Variants in MPPED1 observed in about 807,000 individuals in gnomAD.
MPPED1 encodes metallophosphoesterase domain containing 1.
A neutral mutation model predicts 36.2 loss-of-function variants in MPPED1; 16 were observed. The observed-to-expected ratio is 0.44, with a 90% CI of 0.30 to 0.67. The LOEUF (loss-of-function observed/expected upper bound fraction) is 0.67. Ranked by LOEUF, MPPED1 falls within the 30% of genes least tolerant of loss-of-function variation. The pLI, the probability that MPPED1 is intolerant of heterozygous loss-of-function variation, is 0.10. For missense variants in MPPED1, 307 were observed against 453.4 expected, an observed-to-expected ratio of 0.68 and a Z score of 2.93; for synonymous variants, 199 against 191.3, an observed-to-expected ratio of 1.04 and a Z score of -0.33.
intron 3 of MPPED1, among the ~76,000 whole-genome samples, chr22:43,457,882 A>G (rs772984382): frequency 6.6e-6 from 1 of 152,212 alleles, no homozygotes; most frequent in Non-Finnish European, 1.5e-5. Context: ...TTTTATAACT[A>G]CAGTCATGTG....
Position 43,474,600 on chromosome 22 carries a change from C to G in MPPED1, c.407-136C>G. On this transcript the variant is annotated intron_variant, in intron 3 of 6. Transcript: ENST00000443721. The surrounding 1 kb of genome is among the most constrained non-coding windows in gnomAD (Gnocchi z 5.2). ...TGCCCTATGAGTACAAGATCGTGAT[C>G]GCGGGCAACCACGAGCTGACCTTTG... is the stretch of plus-strand genomic sequence containing the variant. 1.3e-6 allele frequency: 2 copies of G among 1,526,570 alleles called. No individual in the cohort carries two copies. The highest frequency in any genetic ancestry group is 9.0e-7 in the Non-Finnish European group (1 of 1,117,232). The allele number at this position is 1,526,570 out of a possible 1,614,324, so 94.6% of individuals were successfully genotyped here. A position where few individuals can be genotyped will look rare whatever the true frequency, so the allele number is the denominator to read the frequency against.
chr22:43,432,076 G>A (rs1033921050), intron 2 of MPPED1, among the ~76,000 whole-genome samples: 2 of 152,206 alleles, frequency 1.3e-5, no homozygotes, highest in African/African-American at 2.4e-5. Flanking sequence ...CTCCCAGAGG[G>A]TAGACTGTCG....
intron 3 of MPPED1, among the ~76,000 whole-genome samples, chr22:43,440,056 T>A (rs1311755049): frequency 6.6e-6 from 1 of 152,234 alleles, no homozygotes; most frequent in Non-Finnish European, 1.5e-5. Context: ...CAAGGCTTCA[T>A]GTCCAGCGCC....
intron 3 of MPPED1, among the ~76,000 whole-genome samples, chr22:43,473,233 C>T (rs1427200320): frequency 6.6e-6 from 1 of 151,996 alleles, no homozygotes; most frequent in Admixed American, 6.5e-5. Flanking sequence ...TGGGCATTGC[C>T]CCGGGAGGGT....
In MPPED1 at chr22:43,425,208, A is replaced by G. The variant is rs776940824; in HGVS notation, c.223A>G (p.Met75Val). ...CCGCTTCCAGCCACCGCATGTGCAG[A>G]TGTAAGTGGGACCGGTGGGGTGGGG... ...QGRFQPPHVQ[M>V]VDPVPHDAPK... The change falls in exon 2 of 7, where the codon ATG becomes GTG. Residue 75 changes from methionine (M) to valine (V), a missense_variant and splice_region_variant. By Grantham distance (21) the Met-to-Val change is conservative. Coordinates refer to ENST00000443721, the MANE Select transcript of MPPED1 (RefSeq NM_001044370.2). 2.2e-5 allele frequency: 21 copies of G among 947,998 alleles called. No individual in the cohort carries two copies. Among genetic ancestry groups the G allele is most frequent in the East Asian group, 1.9e-4 (4 of 21,488 alleles). 58.7% of individuals were successfully genotyped at this position (947,998 alleles called of 1,614,324 possible).
chr22:43,481,211 TG>T (rs2146893115), intron 4 of MPPED1, among the ~76,000 whole-genome samples: 1 of 152,286 alleles, frequency 6.6e-6, no homozygotes, highest in East Asian at 1.9e-4. Flanking sequence ...GTTGATGGTG[TG>T]AGATAGGGAT....
chr22:43,465,910 C>A (rs547611483), intron 3 of MPPED1, among the ~76,000 whole-genome samples: 3 of 152,250 alleles, frequency 2.0e-5, no homozygotes, highest in African/African-American at 7.2e-5. Flanking sequence ...CCACCAGGGC[C>A]CTTTTGTGCA....
rs1220417553 is a variant in MPPED1, at chr22:43,500,053, T to A, written c.748+1703T>A. ...GTGGTGAGGGAGGTGGTGATGGGGGTGGTGGTGGTGATGGTGATGGAGGTG... is the reference window on the plus strand; with the variant it reads ...GTGGTGAGGGAGGTGGTGATGGGGGAGGTGGTGGTGATGGTGATGGAGGTG... On this transcript the variant is annotated intron_variant, in intron 5 of 6. Coordinates refer to ENST00000443721, the MANE Select transcript of MPPED1 (RefSeq NM_001044370.2). Among the ~76,000 whole-genome samples the A allele has an allele frequency of 1.0e-3, 96 of 93,342 alleles. 3 individuals are homozygous for A. Among genetic ancestry groups the A allele is most frequent in the Non-Finnish European group, 1.1e-3 (55 of 49,236 alleles). The allele number at this position is 93,342 out of a possible 152,430, so 61.2% of individuals were successfully genotyped here.
rs1326157490 is a variant in MPPED1, at chr22:43,474,495, C to T, written c.407-241C>T. Among the ~76,000 whole-genome samples, 1 of 152,254 alleles carries T rather than the reference C, an allele frequency of 6.6e-6. No homozygotes were observed. Among genetic ancestry groups the T allele is most frequent in the Non-Finnish European group, 1.5e-5 (1 of 68,054 alleles). ...CAGCAGCTTCCTCCTGCCCGCCCCT[C>T]TCTCAGCCATGCTGTGGCTTCTGGA... is the stretch of plus-strand genomic sequence containing the variant. On this transcript the variant is annotated intron_variant, in intron 3 of 6. Coordinates refer to ENST00000443721, the MANE Select transcript of MPPED1 (RefSeq NM_001044370.2). This position sits in a 1 kb window ranked among gnomAD's most constrained non-coding sequence, Gnocchi z 5.2.
At chr22:43,479,029 G>A (rs1245273095) in intron 4 of MPPED1, among the ~76,000 whole-genome samples, 22 of 152,162 alleles carry the variant, frequency 1.4e-4, no homozygotes, top group Admixed American at 1.4e-3. Context: ...AGAACCCGCC[G>A]GCCTGGCTGC....
At chr22:43,417,636 T>C (rs1484901306) in intron 1 of MPPED1, 1 of 157,600 alleles carries the variant, frequency 6.3e-6, no homozygotes, top group Non-Finnish European at 1.4e-5. Flanking sequence ...TTAAATATTA[T>C]CTCCTGCATT....
At position 43,507,302 on chromosome 22, in the gene MPPED1, C is replaced by A. The variant is rs1932829223; in HGVS notation, c.*1686C>A. On this transcript the variant is annotated 3_prime_UTR_variant, in exon 7 of 7. Transcript: ENST00000443721. The stretch of plus-strand genomic sequence containing the variant: ...GTCCTGTTCAAAACTGGTGTGAGCT[C>A]TGAGGAGTCCTGAACCCTGGGTGCA... The A allele has an allele frequency of 6.6e-6, 1 of 152,198 alleles. No individual in the cohort carries two copies. The highest frequency in any genetic ancestry group is 1.5e-5 in the Non-Finnish European group (1 of 68,052). The allele number at this position is 152,198 out of a possible 1,614,324, so 9.4% of individuals were successfully genotyped here.
chr22:43,425,049 G>A lies in MPPED1; in HGVS notation c.64G>A (p.Gly22Ser), dbSNP rs769486981. 3 of 1,612,764 alleles carry A rather than the reference G, an allele frequency of 1.9e-6. No individual in the cohort carries two copies. Among genetic ancestry groups the A allele is most frequent in the Non-Finnish European group, 1.7e-6 (2 of 1,179,534 alleles). ...GGAGGCCCTGGCCCTCCTCCCCTGC[G>A]GCCTGGGCATGGCATTCTCCCAGTC... ...KAEALALLPC[G>S]LGMAFSQSHV... The change falls in exon 2 of 7, where the codon GGC (glycine) becomes AGC (serine). Residue 22 changes from glycine to serine, a missense_variant. This residue lies in a region of MPPED1 where 169 missense variants were observed against 212.3 expected (regional missense o/e 0.80). Coordinates refer to ENST00000443721, the MANE Select transcript of MPPED1 (RefSeq NM_001044370.2).
intron 4 of MPPED1, among the ~76,000 whole-genome samples, chr22:43,490,681 T>A (rs140018086): frequency 0.12 from 18,463 of 152,192 alleles, 1,798 homozygotes; most frequent in African/African-American, 0.26. Flanking sequence ...TTGATCAGAT[T>A]TTTGAAAAAT....
At chr22:43,417,042 T>G in intron 1 of MPPED1, 1 of 983,586 alleles carries the variant, frequency 1.0e-6, no homozygotes, top group Non-Finnish European at 1.2e-6. Flanking sequence ...TATTCCGAAA[T>G]AAAAGTACAT....
intron 1 of MPPED1, among the ~76,000 whole-genome samples, chr22:43,424,347 G>A (rs73889266): frequency 6.6e-6 from 1 of 152,118 alleles, no homozygotes; most frequent in Non-Finnish European, 1.5e-5. Context: ...ACCACTAAAA[G>A]ATATCTTTAG....
At chr22:43,420,236 G>A (rs1256326533) in intron 1 of MPPED1, among the ~76,000 whole-genome samples, 1 of 152,100 alleles carries the variant, frequency 6.6e-6, no homozygotes, top group Admixed American at 6.5e-5. Context: ...CAGAGTCCAG[G>A]CTGTCCTCCA....
chr22:43,444,985 G>C (rs1930287451), intron 3 of MPPED1, among the ~76,000 whole-genome samples: 1 of 152,214 alleles, frequency 6.6e-6, no homozygotes, highest in African/African-American at 2.4e-5. Flanking sequence ...GGAGGGCCTA[G>C]AATTCCAGTA....
At chr22:43,443,277 T>C (rs1202852914) in intron 3 of MPPED1, among the ~76,000 whole-genome samples, 1 of 152,058 alleles carries the variant, frequency 6.6e-6, no homozygotes, top group African/African-American at 2.4e-5. Flanking sequence ...GACGAGGGCA[T>C]GGATTTTATT....
Sources: allele counts gnomAD v4.1 joint callset (sites outside exome capture counted in the v4.1 genomes callset), GRCh38; gene constraint gnomAD v4.1.1; regional missense constraint gnomAD v4.1.1; non-coding constraint Gnocchi (gnomAD v3.1); transcripts MANE v1.5; gene names NCBI Gene and HGNC (gene_info 2026-07-23, HGNC 2026-07-21).